The following CERCAM variants were observed in gnomAD, a reference collection of about 807,000 sequenced individuals.
The protein encoded by CERCAM is cerebral endothelial cell adhesion molecule, also known as inactive glycosyltransferase 25 family member 3.
CERCAM carries 59 observed loss-of-function variants against 66.0 expected under a neutral mutation model. That is an observed-to-expected ratio of 0.89 (90% confidence interval 0.73 to 1.11). The LOEUF (loss-of-function observed/expected upper bound fraction) is 1.11. Among genes scored for constraint, CERCAM ranks in the 50% most tolerant of loss-of-function variants. The pLI is 0.00. For missense variants in CERCAM, 840 were observed against 828.3 expected (o/e 1.01, Z -0.17); for synonymous variants, 318 against 343.6 (o/e 0.93, Z 0.83).
chr9:128,423,114 C>T (rs1833749498), intron 2 of CERCAM, 32 bp from the exon 3 acceptor site: 1 of 1,612,204 alleles, frequency 6.2e-7, no homozygotes, highest in African/African-American at 1.3e-5. Flanking sequence ...GGGCATGTAC[C>T]CCATGGGAAC....
In CERCAM at chr9:128,431,321, C is replaced by T. The variant is rs1336102077; in HGVS notation, c.1203+18C>T. ...GGGAAGAGGTGAGGGTGCCTGCTTCCTCCATCCACAGCCTTCGGGGAGAAC... is the reference window on the plus strand; with the variant it reads ...GGGAAGAGGTGAGGGTGCCTGCTTCTTCCATCCACAGCCTTCGGGGAGAAC... On this transcript the variant is annotated intron_variant, in intron 9 of 12. Coordinates refer to ENST00000372838, the MANE Select transcript of CERCAM (RefSeq NM_016174.5). 5.6e-6 allele frequency: 9 copies of T among 1,613,620 alleles called. No individual in the cohort carries two copies. The highest frequency in any genetic ancestry group is 7.6e-6 in the Non-Finnish European group (9 of 1,179,930).
At position 128,428,304 on chromosome 9, in the gene CERCAM, G is replaced by T. The variant is rs1306729290; in HGVS notation, c.769G>T (p.Val257Phe). The T allele has an allele frequency of 1.9e-6, 3 of 1,613,876 alleles. No homozygotes were observed. The highest frequency in any genetic ancestry group is 8.5e-7 in the Non-Finnish European group (1 of 1,179,904). ...VFAYACQAAG[V>F]SVHVCNEHRY... ...TCTCACTCAGCCTGTCTCTGCAGGG[G>T]TCTCCGTCCACGTGTGCAATGAGCA... is the stretch of plus-strand genomic sequence containing the variant. Residue 257 changes from valine (V) to phenylalanine (F), a missense_variant and splice_region_variant, in exon 6 of 13, where the codon GTC (valine) becomes TTC (phenylalanine). Transcript: ENST00000372838.
chr9:128,434,594 A>G lies in CERCAM; in HGVS notation c.1516A>G (p.Met506Val). The G allele has an allele frequency of 1.2e-6, 2 of 1,608,106 alleles. No individual in the cohort carries two copies. Among genetic ancestry groups the G allele is most frequent in the Non-Finnish European group, 1.7e-6 (2 of 1,179,728 alleles). The stretch of plus-strand genomic sequence containing the variant: ...GCCCGTGGACGAGTTCCTGCCCATC[A>G]TGTTCGACCAGCACCCCAAGTGAGG... The part of the protein sequence containing the change: ...MLPVDEFLPI[M>V]FDQHPNEQYK... The change falls in exon 11 of 13, where the codon ATG becomes GTG. Residue 506 changes from methionine (M) to valine (V), a missense_variant. Coordinates refer to ENST00000372838, the MANE Select transcript of CERCAM (RefSeq NM_016174.5). This position sits in a 1 kb window ranked among gnomAD's most constrained non-coding sequence, Gnocchi z 4.5.
chr9:128,422,711 G>A, intron 1 of CERCAM, 157 bp from the exon 2 acceptor site: 1 of 763,732 alleles, frequency 1.3e-6, no homozygotes, highest in Non-Finnish European at 2.1e-6. Flanking sequence ...GTGGGGACCT[G>A]GCTGTGCTGC....
chr9:128,424,717 G>A (rs1833799512), intron 5 of CERCAM, 103 bp downstream of exon 5: 5 of 1,060,256 alleles, frequency 4.7e-6, no homozygotes, highest in Non-Finnish European at 5.6e-6. Flanking sequence ...ATTTCATCCT[G>A]TTAACCCATG....
rs945803869 is a variant in CERCAM, at chr9:128,424,703, C to G, written c.766+89C>G. ...GCTGCTTACCATGCCCTTCCCTACTCTGCATTTCATCCTGTTAACCCATGA... is the reference window on the plus strand; with the variant it reads ...GCTGCTTACCATGCCCTTCCCTACTGTGCATTTCATCCTGTTAACCCATGA... On this transcript the variant is annotated intron_variant, in intron 5 of 12. Coordinates refer to ENST00000372838, the MANE Select transcript of CERCAM (RefSeq NM_016174.5). The G allele has an allele frequency of 4.3e-5, 52 of 1,196,172 alleles. No homozygotes were observed. In the Admixed American group the frequency reaches 9.2e-4, roughly 21 times the overall value. The allele number at this position is 1,196,172 out of a possible 1,614,324, so 74.1% of individuals were successfully genotyped here.
At chr9:128,428,481 GC>G in intron 6 of CERCAM, 60 bp downstream of exon 6, 2 of 1,597,504 alleles carry the variant, frequency 1.3e-6, no homozygotes, top group Non-Finnish European at 1.7e-6. Flanking sequence ...TCCCCACGGT[GC>G]CCCTTTCCCT....
chr9:128,425,489 T>C (rs1325489664), intron 5 of CERCAM, among the ~76,000 whole-genome samples: 1 of 151,490 alleles, frequency 6.6e-6, no homozygotes, highest in African/African-American at 2.4e-5. Flanking sequence ...CTGGACAACA[T>C]AGCAAGACCT....
Position 128,428,769 on chromosome 9 carries a change from G to T in CERCAM, c.899G>T (p.Arg300Leu). 2 of 1,613,886 alleles carry T rather than the reference G, an allele frequency of 1.2e-6. No individual in the cohort carries two copies. Among genetic ancestry groups the T allele is most frequent in the South Asian group, 1.1e-5 (1 of 91,076 alleles). The change falls in exon 7 of 13, where the codon CGC becomes CTC. Residue 300 changes from arginine (R) to leucine (L), a missense_variant. Physicochemically the swap from Arg to Leu is moderately radical, Grantham distance 102 (BLOSUM62 -2). Transcript: ENST00000372838. ...CTTCCCTTTGCAGTGGACGGCCCCC[G>T]CATGCAGGCCTCAGCTCATGTGACT... ...LILEALVDGP[R>L]MQASAHVTRP...
At position 128,428,923 on chromosome 9, in the gene CERCAM, C is replaced by T. The variant is rs554188999; in HGVS notation, c.964-7C>T. 2.1e-5 allele frequency: 34 copies of T among 1,608,394 alleles called. No individual in the cohort carries two copies. In the East Asian group the frequency reaches 7.4e-4, roughly 35 times the overall value. On this transcript the variant is annotated splice_region_variant and splice_polypyrimidine_tract_variant and intron_variant, in intron 7 of 12. Transcript: ENST00000372838. ...GCACTTACCGCCCACCCCCCTGCCT[C>T]CTCCAGGTCTTTGTCATCAGCCTGG...
chr9:128,426,407 G>A (rs541853082), intron 5 of CERCAM, among the ~76,000 whole-genome samples: 3 of 152,088 alleles, frequency 2.0e-5, no homozygotes, highest in South Asian at 2.1e-4. Flanking sequence ...GGTGGATCAC[G>A]AGGTCAAGAG....
intron 1 of CERCAM, 123 bp downstream of exon 1, chr9:128,421,197 C>A: frequency 8.1e-7 from 1 of 1,238,448 alleles, no homozygotes; most frequent in Non-Finnish European, 1.0e-6. Context: ...GGCCCCTCCC[C>A]TCACAGACGG....
rs1346924232 is a variant in CERCAM, at chr9:128,428,836, A to G, written c.963+3A>G. 1 of 1,613,772 alleles carries G rather than the reference A, an allele frequency of 6.2e-7. No homozygotes were observed. The highest frequency in any genetic ancestry group is 2.2e-5 in the East Asian group (1 of 44,874). Reference sequence around the variant, plus strand: ...CCAGCAAGATAGGGTTTGACGAGGTAAGTCCCCCAGCCTGTGGGCTCGCTG... The same window carrying G: ...CCAGCAAGATAGGGTTTGACGAGGTGAGTCCCCCAGCCTGTGGGCTCGCTG... On this transcript the variant is annotated splice_donor_region_variant and intron_variant, in intron 7 of 12. Transcript: ENST00000372838.
chr9:128,436,581 T>C (rs1834119731), intron 12 of CERCAM, among the ~76,000 whole-genome samples: 1 of 152,016 alleles, frequency 6.6e-6, no homozygotes, highest in South Asian at 2.1e-4. Context: ...GGTGTCATCA[T>C]GTTGGCCAGG....
chr9:128,433,432 T>C (rs1022226097), intron 9 of CERCAM, among the ~76,000 whole-genome samples: 1 of 152,098 alleles, frequency 6.6e-6, no homozygotes, highest in Non-Finnish European at 1.5e-5. Flanking sequence ...TGCAAGCCAC[T>C]TCCCCGCCCC....
At chr9:128,428,526 T>C in intron 6 of CERCAM, 105 bp downstream of exon 6, 1 of 1,422,548 alleles carries the variant, frequency 7.0e-7, no homozygotes, top group South Asian at 1.3e-5. Context: ...GGCCTTGGGG[T>C]TCCAGCTTTG....
intron 5 of CERCAM, among the ~76,000 whole-genome samples, chr9:128,425,156 A>T (rs1833813853): frequency 6.7e-6 from 1 of 149,396 alleles, no homozygotes; most frequent in South Asian, 2.1e-4. Context: ...TCCCGGGTTC[A>T]AGCCATTCTC....
At chr9:128,428,678 G>T in intron 6 of CERCAM, 79 bp from the exon 7 acceptor site, 1 of 1,498,242 alleles carries the variant, frequency 6.7e-7, no homozygotes, top group Non-Finnish European at 9.3e-7. Context: ...GCAGGAATGA[G>T]GCTGGGGGCT....
Position 128,423,125 on chromosome 9 carries a change from A to T in CERCAM, c.309-21A>T, listed in dbSNP as rs753669762. 3 of 1,613,304 alleles carry T rather than the reference A, an allele frequency of 1.9e-6. No individual in the cohort carries two copies. In the Admixed American group the frequency reaches 5.0e-5, roughly 27 times the overall value. On this transcript the variant is annotated intron_variant, in intron 2 of 12. Transcript: ENST00000372838. ...GGAGGGGCATGTACCCCATGGGAAC[A>T]TCTCACCTCTATCCCCTCAGGTTCT...
Sources: gnomAD v4.1 joint callset for allele counts (sites outside exome capture counted in the v4.1 genomes callset) on GRCh38, gnomAD v4.1.1 for gene constraint, Gnocchi (gnomAD v3.1) non-coding constraint, MANE v1.5 for transcripts, NCBI Gene and HGNC (gene_info 2026-07-23, HGNC 2026-07-21) for gene names.